Variants in TTLL7 observed in about 807,000 individuals in gnomAD.
TTLL7 encodes tubulin polyglutamylase TTLL7.
Under a neutral mutation model 120.2 loss-of-function variants are expected in TTLL7, and 53 were observed. The observed-to-expected ratio is 0.44, with a 90% CI of 0.35 to 0.55. The LOEUF (loss-of-function observed/expected upper bound fraction) is 0.55, where lower values mean the gene tolerates loss of function less well. Among genes scored for constraint, TTLL7 ranks in the 20% least tolerant of loss-of-function variants. The pLI, the probability that TTLL7 is intolerant of heterozygous loss-of-function variation, is 0.00. For synonymous variants in TTLL7, 353 were observed against 351.7 expected, an observed-to-expected ratio of 1.00 and a Z score of -0.04; for missense variants, 803 against 1,054.7, an observed-to-expected ratio of 0.76 and a Z score of 3.31.
chr1:83,929,155 A>G lies in TTLL7; in HGVS notation c.1123T>C (p.Leu375=). 1 of 1,611,650 alleles carries G rather than the reference A, an allele frequency of 6.2e-7. No individual in the cohort carries two copies. Among genetic ancestry groups the G allele is most frequent in the Non-Finnish European group, 8.5e-7 (1 of 1,178,414 alleles). Residue 375 remains leucine (L), a synonymous_variant, in exon 10 of 21, where the codon TTG becomes CTG. Transcript: ENST00000260505. ...TTTTACCTTATGTTTAGTAGCTTCAACGCATTTAGCAGCACTCCCCTTTTT... is the reference window on the plus strand; with the variant it reads ...TTTTACCTTATGTTTAGTAGCTTCAGCGCATTTAGCAGCACTCCCCTTTTT... ...DVKRGVLLNA[L]KLLNIRTSDK...
chr1:83,888,393 G>A (rs541873457), intron 19 of TTLL7, among the ~76,000 whole-genome samples: 10 of 151,956 alleles, frequency 6.6e-5, no homozygotes, highest in East Asian at 3.9e-4. Context: ...CACCCAGAGC[G>A]CCTTATTAAT....
chr1:83,978,142 A>T (rs1425545313), intron 1 of TTLL7, among the ~76,000 whole-genome samples: 1 of 152,198 alleles, frequency 6.6e-6, no homozygotes, highest in African/African-American at 2.4e-5. Flanking sequence ...AAAGCTAAAC[A>T]TCATAGAGTT....
At chr1:83,890,984 T>C (rs1442948315) in intron 18 of TTLL7, among the ~76,000 whole-genome samples, 1 of 151,948 alleles carries the variant, frequency 6.6e-6, no homozygotes, top group Non-Finnish European at 1.5e-5. Context: ...TCTAGAGGGG[T>C]TAAGGTCATA....
intron 18 of TTLL7, chr1:83,902,136 C>T (rs1272146935): frequency 1.3e-5 from 2 of 152,004 alleles, no homozygotes; most frequent in Admixed American, 6.6e-5. Flanking sequence ...AACCCTCCCC[C>T]TCTCACAGCT....
At chr1:83,959,455 C>CA (rs1649822911) in intron 1 of TTLL7, among the ~76,000 whole-genome samples, 1 of 152,082 alleles carries the variant, frequency 6.6e-6, no homozygotes, top group Non-Finnish European at 1.5e-5. Context: ...AGGACTCTCA[C>CA]TTTTTTTTCA....
At chr1:83,929,296 A>T (rs1009991397) in intron 9 of TTLL7, 66 bp from the exon 10 acceptor site, 6 of 1,233,162 alleles carry the variant, frequency 4.9e-6, no homozygotes, top group Non-Finnish European at 7.0e-6. Context: ...TGTTAATCCA[A>T]TGTGGGATCT....
chr1:83,891,824 C>G (rs1448709149), intron 18 of TTLL7, among the ~76,000 whole-genome samples: 2 of 75,588 alleles, frequency 2.6e-5, no homozygotes, highest in Non-Finnish European at 5.1e-5. Flanking sequence ...ACTATATATA[C>G]CATGATACCA....
At chr1:83,975,118 A>T (rs542292885) in intron 1 of TTLL7, among the ~76,000 whole-genome samples, 13 of 152,244 alleles carry the variant, frequency 8.5e-5, no homozygotes, top group African/African-American at 2.9e-4. Flanking sequence ...ACATTAGTTG[A>T]TATTTATTCA....
chr1:83,867,413 A>G lies in TTLL7; in HGVS notation c.*2549T>C, dbSNP rs1165651583. On this transcript the variant is annotated 3_prime_UTR_variant, in exon 21 of 21. Transcript: ENST00000260505. ...TCAGTCTAAATAGGCAAATGAAGGC[A>G]ATAAAATTGTAACGCTCAAAATAAG... 1 of 152,038 alleles carries G rather than the reference A, an allele frequency of 6.6e-6. No homozygotes were observed. The highest frequency in any genetic ancestry group is 2.4e-5 in the African/African-American group (1 of 41,450). The allele number at this position is 152,038 out of a possible 1,614,324, so 9.4% of individuals were successfully genotyped here.
chr1:83,899,725 G>T (rs1252636401), intron 18 of TTLL7, among the ~76,000 whole-genome samples: 3 of 151,730 alleles, frequency 2.0e-5, no homozygotes, highest in Non-Finnish European at 2.9e-5. Flanking sequence ...TATACCAAAG[G>T]AAGAAGCAGC....
intron 1 of TTLL7, chr1:83,980,186 G>A (rs1228068681): frequency 6.6e-6 from 1 of 151,868 alleles, no homozygotes; most frequent in Non-Finnish European, 1.5e-5. Flanking sequence ...GAAAAATTTT[G>A]GTCTGAAGAA....
chr1:83,970,851 G>A (rs1031002874), intron 1 of TTLL7, among the ~76,000 whole-genome samples: 1 of 151,972 alleles, frequency 6.6e-6, no homozygotes, highest in Admixed American at 6.6e-5. Flanking sequence ...CTTCATGGTG[G>A]GTGGCAAGAG....
rs571639945 is a variant in TTLL7, at chr1:83,993,405, C to T, written c.-177+5526G>A. Among the ~76,000 whole-genome samples the T allele has an allele frequency of 1.1e-3, 163 of 152,240 alleles. 1 individual carries two copies. The highest frequency in any genetic ancestry group is 3.8e-3 in the African/African-American group (157 of 41,540). The stretch of plus-strand genomic sequence containing the variant: ...TTTATAAAAACAGCTACTGCCATAC[C>T]GTTGAATTAGACATGGCGCCAGCTC... On this transcript the variant is annotated intron_variant, in intron 1 of 20. Coordinates refer to ENST00000260505, the MANE Select transcript of TTLL7 (RefSeq NM_024686.6).
intron 20 of TTLL7, among the ~76,000 whole-genome samples, chr1:83,872,987 G>A (rs963598822): frequency 2.0e-5 from 3 of 152,108 alleles, no homozygotes; most frequent in Non-Finnish European, 2.9e-5. Flanking sequence ...AGAGCTCCTA[G>A]CAACCATACT....
chr1:83,918,986 G>T (rs1658417708), intron 13 of TTLL7, among the ~76,000 whole-genome samples: 1 of 152,086 alleles, frequency 6.6e-6, no homozygotes, highest in Non-Finnish European at 1.5e-5. Context: ...CCTGCTGAGA[G>T]ACTGTGTAGG....
rs558889603 is a variant in TTLL7, at chr1:83,921,418, T to C, written c.1143-24A>G. The C allele has an allele frequency of 3.7e-6, 6 of 1,607,146 alleles. No individual in the cohort carries two copies. In the East Asian group the frequency reaches 6.7e-5, roughly 18 times the overall value. On this transcript the variant is annotated intron_variant, in intron 10 of 20. Coordinates refer to ENST00000260505, the MANE Select transcript of TTLL7 (RefSeq NM_024686.6). ...TCCTAAAATATAAAACATAAGACCA[T>C]ATTCTAGAACTCGAACAAGTTCTGA...
At chr1:83,903,992 T>A in intron 18 of TTLL7, 87 bp downstream of exon 18, 1 of 986,212 alleles carries the variant, frequency 1.0e-6, no homozygotes, top group Non-Finnish European at 1.6e-6. Context: ...AATGAGCAAA[T>A]ATACAGTCTG....
chr1:83,918,329 T>C (rs535402803), intron 13 of TTLL7, among the ~76,000 whole-genome samples: 4 of 152,306 alleles, frequency 2.6e-5, no homozygotes, highest in Admixed American at 6.5e-5. Flanking sequence ...AAAGGAAATT[T>C]TGTAAAAGCA....
At chr1:83,896,107 G>C (rs2100742317) in intron 18 of TTLL7, among the ~76,000 whole-genome samples, 1 of 152,122 alleles carries the variant, frequency 6.6e-6, no homozygotes, top group Middle Eastern at 3.4e-3. Context: ...CTGGTCCTTT[G>C]GGGATTGAAG....
Sources: gnomAD v4.1 joint callset for allele counts (sites outside exome capture counted in the v4.1 genomes callset) on GRCh38, gnomAD v4.1.1 for gene constraint, MANE v1.5 for transcripts, NCBI Gene and HGNC (gene_info 2026-07-23, HGNC 2026-07-21) for gene names.